PSMF1: variants seen among roughly 807,000 people sequenced by gnomAD.
PSMF1 encodes the protein proteasome inhibitor subunit 1, also known as proteasome inhibitor PI31 subunit.
PSMF1 carries 30 observed loss-of-function variants against 29.3 expected under a neutral mutation model. The ratio of observed to expected loss-of-function variants is 1.02; its 90% CI spans 0.77 to 1.39. The LOEUF (loss-of-function observed/expected upper bound fraction) is 1.39, where lower values mean the gene tolerates loss of function less well. PSMF1 is among the 40% of genes most tolerant of loss of function. The pLI is 0.00. For missense variants in PSMF1, 344 were observed against 357.5 expected (o/e 0.96, Z 0.31); for synonymous variants, 134 against 139.7 (o/e 0.96, Z 0.29).
chr20:1,141,584 A>G lies in PSMF1; in HGVS notation c.551+6278A>G, dbSNP rs147370476. Among the ~76,000 whole-genome samples the G allele has an allele frequency of 2.3e-3, 350 of 152,318 alleles. 2 individuals carry two copies. Among genetic ancestry groups the G allele is most frequent in the African/African-American group, 8.0e-3 (332 of 41,566 alleles). On this transcript the variant is annotated intron_variant, in intron 4 of 6. Transcript: ENST00000335877. ...TACCAGCAAACGTGATTTATTTAAA[A>G]TTAGCTACTGAATGCCTTCCCCCTA...
At chr20:1,136,202 T>C (rs1009858675) in intron 4 of PSMF1, among the ~76,000 whole-genome samples, 1 of 152,178 alleles carries the variant, frequency 6.6e-6, no homozygotes, top group Non-Finnish European at 1.5e-5. Flanking sequence ...GTTGAAAAGG[T>C]TGAAAATGGC....
chr20:1,118,917 C>T lies in PSMF1; in HGVS notation c.129+15C>T, dbSNP rs2086045980. 1.2e-6 allele frequency: 2 copies of T among 1,613,488 alleles called. No homozygotes were observed. Among genetic ancestry groups the T allele is most frequent in the Non-Finnish European group, 1.7e-6 (2 of 1,179,672 alleles). On this transcript the variant is annotated intron_variant, in intron 1 of 6. Coordinates refer to ENST00000335877, the MANE Select transcript of PSMF1 (RefSeq NM_006814.5). ...TCGGTGACCAGGTACGCCACGGAGC[C>T]GGCCAGGGTGGAGGAGGGAACTGTC...
chr20:1,130,984 CA>C (rs2086221316), intron 3 of PSMF1, among the ~76,000 whole-genome samples: 1 of 152,174 alleles, frequency 6.6e-6, no homozygotes, highest in Non-Finnish European at 1.5e-5. Flanking sequence ...ATGCAATAGA[CA>C]AAGGGAGGGA....
chr20:1,139,483 C>T (rs372788749), intron 4 of PSMF1, among the ~76,000 whole-genome samples: 1 of 151,946 alleles, frequency 6.6e-6, no homozygotes, highest in African/African-American at 2.4e-5. Flanking sequence ...TACAGAAAAT[C>T]CTAAGGAATC....
Position 1,171,353 on chromosome 20 carries a change from A to G in PSMF1, c.*6273A>G, listed in dbSNP as rs1445931814. ...TAACAGGCTTCCCTGGGCCACAGGA[A>G]TGGGCTCGGGCTCTCTGCTGGGCTC... On this transcript the variant is annotated 3_prime_UTR_variant, in exon 7 of 7. Coordinates refer to ENST00000335877, the MANE Select transcript of PSMF1 (RefSeq NM_006814.5). Among the ~76,000 whole-genome samples the G allele has an allele frequency of 6.6e-6, 1 of 152,156 alleles. No individual in the cohort carries two copies. The highest frequency in any genetic ancestry group is 1.5e-5 in the Non-Finnish European group (1 of 68,018).
chr20:1,126,372 T>C (rs2086156389), intron 2 of PSMF1, among the ~76,000 whole-genome samples: 1 of 152,232 alleles, frequency 6.6e-6, no homozygotes, highest in Non-Finnish European at 1.5e-5. Flanking sequence ...TGCTTTTTTT[T>C]CACTCGGTGT....
chr20:1,165,969 A>G lies in PSMF1; in HGVS notation c.*889A>G. ...GGAGGTGGCTTTCCTGCTCTAAAGCATTTTGATGTCTCATTCTGTGTTTGG... is the reference window on the plus strand; with the variant it reads ...GGAGGTGGCTTTCCTGCTCTAAAGCGTTTTGATGTCTCATTCTGTGTTTGG... On this transcript the variant is annotated 3_prime_UTR_variant, in exon 7 of 7. Transcript: ENST00000335877. 1 of 1,389,104 alleles carries G rather than the reference A, an allele frequency of 7.2e-7. No homozygotes were observed. Among genetic ancestry groups the G allele is most frequent in the Non-Finnish European group, 9.3e-7 (1 of 1,070,718 alleles). The allele number at this position is 1,389,104 out of a possible 1,614,324, so 86.0% of individuals were successfully genotyped here. A position where few individuals can be genotyped will look rare whatever the true frequency, so the allele number is the denominator to read the frequency against.
chr20:1,138,714 A>C (rs2094814199), intron 4 of PSMF1, among the ~76,000 whole-genome samples: 1 of 151,962 alleles, frequency 6.6e-6, no homozygotes, highest in Admixed American at 6.6e-5. Flanking sequence ...AGTCCCAGCT[A>C]CTTAGGGTGC....
At chr20:1,116,525 G>A (rs568020200), upstream of PSMF1, among the ~76,000 whole-genome samples, 6 of 152,346 alleles carry the variant, frequency 3.9e-5, no homozygotes, top group East Asian at 1.2e-3. Flanking sequence ...GCTGACAAAG[G>A]GAGTGATGGA....
At chr20:1,129,699 A>T (rs1173253804) in intron 3 of PSMF1, among the ~76,000 whole-genome samples, 1 of 152,262 alleles carries the variant, frequency 6.6e-6, no homozygotes, top group Admixed American at 6.5e-5. Context: ...AGCGTTGTCA[A>T]GGATGTGGAG....
chr20:1,122,595 C>T (rs183272475), intron 1 of PSMF1, among the ~76,000 whole-genome samples: 102 of 152,326 alleles, frequency 6.7e-4, no homozygotes, highest in Non-Finnish European at 1.3e-3. Context: ...CCACCGCGCT[C>T]AGCCTCAGGC....
intron 4 of PSMF1, among the ~76,000 whole-genome samples, chr20:1,145,179 C>T (rs2086434236): frequency 6.6e-6 from 1 of 152,212 alleles, no homozygotes; most frequent in Admixed American, 6.5e-5. Flanking sequence ...AGCCCCTGTT[C>T]CTGGGCCCCT....
chr20:1,131,108 A>G (rs1170944242), intron 3 of PSMF1, among the ~76,000 whole-genome samples: 1 of 152,176 alleles, frequency 6.6e-6, no homozygotes, highest in Non-Finnish European at 1.5e-5. Context: ...ACACTCCCTG[A>G]CACCCTGGCC....
chr20:1,113,926 C>T (rs1304730116), upstream of PSMF1, among the ~76,000 whole-genome samples: 3 of 151,924 alleles, frequency 2.0e-5, no homozygotes, highest in African/African-American at 2.4e-5. Context: ...GTCCTGACCT[C>T]GTGATCCGCC....
Position 1,118,640 on chromosome 20 carries a change from T to A in PSMF1, c.-134T>A. ...CGCCCCGTCCCCGGGCGTCTCCATT[T>A]TGGTCTCAGGTGTGGACTCGGCAAG... On this transcript the variant is annotated 5_prime_UTR_variant, in exon 1 of 7. In the 5' UTR this introduces an upstream ATG that the reference lacks. Transcript: ENST00000335877. 1 of 1,114,098 alleles carries A rather than the reference T, an allele frequency of 9.0e-7. No individual in the cohort carries two copies. Among genetic ancestry groups the A allele is most frequent in the Admixed American group, 3.0e-5 (1 of 33,622 alleles). The allele number at this position is 1,114,098 out of a possible 1,614,324, so 69.0% of individuals were successfully genotyped here.
chr20:1,116,496 T>G (rs984483917), upstream of PSMF1, among the ~76,000 whole-genome samples: 2 of 152,066 alleles, frequency 1.3e-5, no homozygotes, highest in African/African-American at 4.8e-5. Flanking sequence ...AACACAAAAT[T>G]TGGAGAGGCA....
At chr20:1,119,605 C>A (rs1225639633) in intron 1 of PSMF1, among the ~76,000 whole-genome samples, 1 of 152,144 alleles carries the variant, frequency 6.6e-6, no homozygotes, top group African/African-American at 2.4e-5. Flanking sequence ...AGGGCCAGCC[C>A]CTCTTCTCCC....
intron 3 of PSMF1, among the ~76,000 whole-genome samples, chr20:1,132,408 T>C (rs2086241938): frequency 1.3e-5 from 2 of 152,084 alleles, no homozygotes; most frequent in Admixed American, 6.5e-5. Context: ...TCTGAGTAGC[T>C]GGGACTACAG....
intron 1 of PSMF1, among the ~76,000 whole-genome samples, chr20:1,121,742 T>G (rs2086090393): frequency 6.6e-6 from 1 of 152,216 alleles, no homozygotes; most frequent in African/African-American, 2.4e-5. Context: ...TTGCTTCCTC[T>G]GTTACAGGGG....
Sources: gnomAD v4.1 joint callset for allele counts (sites outside exome capture counted in the v4.1 genomes callset) on GRCh38, gnomAD v4.1.1 for gene constraint, MANE v1.5 for transcripts, NCBI Gene and HGNC (gene_info 2026-07-23, HGNC 2026-07-21) for gene names.